The following PPM1A variants were observed in gnomAD, a reference collection of about 807,000 sequenced individuals.
PPM1A encodes the protein protein phosphatase, Mg2+/Mn2+ dependent 1A, also known as protein phosphatase 1A.
A neutral mutation model predicts 35.0 loss-of-function variants in PPM1A; 7 were observed. The observed-to-expected ratio is 0.20, with a 90% CI of 0.11 to 0.38. PPM1A has a LOEUF of 0.38. Ranked by LOEUF, PPM1A falls within the 10% of genes least tolerant of loss-of-function variation. PPM1A has a pLI of 1.00. For missense variants in PPM1A, 239 were observed against 467.8 expected (o/e 0.51, Z 4.51); for synonymous variants, 153 against 167.3 (o/e 0.91, Z 0.66).
chr14:60,273,855 T>TG lies in PPM1A; in HGVS notation c.-20-8825dup, dbSNP rs1295280633. On this transcript the variant is annotated intron_variant, in intron 1 of 5. Coordinates refer to ENST00000395076, the MANE Select transcript of PPM1A (RefSeq NM_021003.5). This position sits in a 1 kb window ranked among gnomAD's most constrained non-coding sequence, Gnocchi z 4.3. ...TTAGTTTCTGTTTCTTTTTCTGAGT[T>TG]GGGGTCTTGCTATATTGCCTAGGCT... Among the ~76,000 whole-genome samples, 2 of 152,164 alleles carry TG rather than the reference T, an allele frequency of 1.3e-5. No homozygotes were observed. The highest frequency in any genetic ancestry group is 3.9e-4 in the East Asian group (2 of 5,192).
At chr14:60,267,300 T>TAA (rs1884502634) in intron 1 of PPM1A, 1 of 152,214 alleles carries the variant, frequency 6.6e-6, no homozygotes, top group South Asian at 2.1e-4. Flanking sequence ...AAGTAAGTAT[T>TAA]ATATTAAGGA....
chr14:60,285,576 G>A, intron 2 of PPM1A, 48 bp from the exon 3 acceptor site: 1 of 1,586,550 alleles, frequency 6.3e-7, no homozygotes, highest in Non-Finnish European at 8.6e-7. Flanking sequence ...TCAAGGCTTT[G>A]AAGAGCAAAA....
Position 60,296,522 on chromosome 14 carries a change from T to G in PPM1A, c.*4040T>G. ...TACTTTTGCTCACAGAAACTGCTGG[T>G]GAGATTACCATTTTTTGAGTATCTA... On this transcript the variant is annotated 3_prime_UTR_variant, in exon 6 of 6. Coordinates refer to ENST00000395076, the MANE Select transcript of PPM1A (RefSeq NM_021003.5). The surrounding 1 kb of genome is among the most constrained non-coding windows in gnomAD (Gnocchi z 4.4). The G allele has an allele frequency of 3.0e-5, 9 of 301,846 alleles. No homozygotes were observed. Among genetic ancestry groups the G allele is most frequent in the Non-Finnish European group, 4.3e-5 (7 of 163,324 alleles). 18.7% of individuals were successfully genotyped at this position (301,846 alleles called of 1,614,324 possible).
Position 60,249,292 on chromosome 14 carries a change from G to C in PPM1A, c.-406G>C, listed in dbSNP as rs1475896649. The C allele has an allele frequency of 4.1e-6, 4 of 984,026 alleles. No individual in the cohort carries two copies. Among genetic ancestry groups the C allele is most frequent in the Non-Finnish European group, 3.6e-6 (3 of 829,314 alleles). The allele number at this position is 984,026 out of a possible 1,614,324, so 61.0% of individuals were successfully genotyped here. A position where few individuals can be genotyped will look rare whatever the true frequency, so the allele number is the denominator to read the frequency against. On this transcript the variant is annotated 5_prime_UTR_variant, in exon 1 of 6. Transcript: ENST00000395076. The surrounding 1 kb of genome is among the most constrained non-coding windows in gnomAD (Gnocchi z 4.5). ...GCGGGAGCTAGAGAGCAGTGGTCTC[G>C]GCGCTCGTCCGGCCCGCAGCTTCGG... is the stretch of plus-strand genomic sequence containing the variant.
Position 60,292,364 on chromosome 14 carries a change from A to T in PPM1A, c.1120-89A>T. 1.0e-6 allele frequency: 1 copy of T among 974,918 alleles called. No homozygotes were observed. The highest frequency in any genetic ancestry group is 1.4e-5 in the South Asian group (1 of 71,892). The allele number at this position is 974,918 out of a possible 1,614,324, so 60.4% of individuals were successfully genotyped here. ...ATTCTAAAAGTCATCTTTACAGAACATTATCTTTCTCCATTATCCAGAAAG... is the reference window on the plus strand; with the variant it reads ...ATTCTAAAAGTCATCTTTACAGAACTTTATCTTTCTCCATTATCCAGAAAG... On this transcript the variant is annotated intron_variant, in intron 5 of 5. Coordinates refer to ENST00000395076, the MANE Select transcript of PPM1A (RefSeq NM_021003.5). The surrounding 1 kb of genome is among the most constrained non-coding windows in gnomAD (Gnocchi z 4.2).
upstream of PPM1A, among the ~76,000 whole-genome samples, chr14:60,247,422 A>T (rs2139286375): frequency 6.6e-6 from 1 of 152,030 alleles, no homozygotes; most frequent in African/African-American, 2.4e-5. Flanking sequence ...GAGGTCAGGA[A>T]ACCGAGACCA....
rs773265207 is a variant in PPM1A, at chr14:60,282,754, G to T, written c.51G>T (p.Gly17=). The T allele has an allele frequency of 3.1e-6, 5 of 1,614,252 alleles. No individual in the cohort carries two copies. The South Asian group carries it at 3.3e-5, about 11-fold the overall frequency. ...AGATGGAAAAGCATAATGCCCAGGGGCAGGGTAATGGGTTGCGATATGGGC... is the reference window on the plus strand; with the variant it reads ...AGATGGAAAAGCATAATGCCCAGGGTCAGGGTAATGGGTTGCGATATGGGC... ...KPKMEKHNAQ[G]QGNGLRYGLS... is the part of the protein sequence containing the mutation. Residue 17 remains glycine, a synonymous_variant, in exon 2 of 6, where the codon GGG becomes GGT. Transcript: ENST00000395076. The surrounding 1 kb of genome is among the most constrained non-coding windows in gnomAD (Gnocchi z 5.1).
At position 60,276,919 on chromosome 14, in the gene PPM1A, A is replaced by G. The variant is rs1203061610; in HGVS notation, c.-20-5765A>G. Reference sequence around the variant, plus strand: ...AGCCTTAGAATTTTTCAGTTTAGGGATTAGTTTGGTTTTTAAAAGGTACAA... The same window carrying G: ...AGCCTTAGAATTTTTCAGTTTAGGGGTTAGTTTGGTTTTTAAAAGGTACAA... On this transcript the variant is annotated intron_variant, in intron 1 of 5. Coordinates refer to ENST00000395076, the MANE Select transcript of PPM1A (RefSeq NM_021003.5). The G allele has an allele frequency of 9.6e-6, 4 of 418,644 alleles. 1 individual carries two copies. The highest frequency in any genetic ancestry group is 1.0e-4 in the Admixed American group (2 of 19,454). The allele number at this position is 418,644 out of a possible 1,614,324, so 25.9% of individuals were successfully genotyped here.
intron 1 of PPM1A, among the ~76,000 whole-genome samples, chr14:60,268,890 A>G (rs146898527): frequency 1.5e-3 from 232 of 150,988 alleles, no homozygotes; most frequent in African/African-American, 5.1e-3. Context: ...CACATTATCA[A>G]TATCTACTAT....
intron 3 of PPM1A, chr14:60,288,589 CTG>C (rs1407028377): frequency 7.3e-6 from 7 of 963,770 alleles, no homozygotes; most frequent in Admixed American, 6.2e-5. Context: ...AGATTTAAGA[CTG>C]TTTTTTTTTT....
Position 60,289,753 on chromosome 14 carries a change from C to A in PPM1A, c.953-53C>A. On this transcript the variant is annotated intron_variant, in intron 3 of 5. Coordinates refer to ENST00000395076, the MANE Select transcript of PPM1A (RefSeq NM_021003.5). The surrounding 1 kb of genome is among the most constrained non-coding windows in gnomAD (Gnocchi z 4.1). ...GCTAGGTTATCTTTGTTTCGGTTTT[C>A]TTTTCAATTAAATTTGGATAACACT... 8.2e-7 allele frequency: 1 copy of A among 1,218,324 alleles called. No individual in the cohort carries two copies. Among genetic ancestry groups the A allele is most frequent in the South Asian group, 1.3e-5 (1 of 77,366 alleles). 75.5% of individuals were successfully genotyped at this position (1,218,324 alleles called of 1,614,324 possible).
Position 60,297,450 on chromosome 14 carries a change from T to C in PPM1A, c.*4968T>C, listed in dbSNP as rs2139621901. ...TTAATAAGTTACTGATTCTTCAGCA[T>C]AGAAACAACTGAGAAGAATTAATGC... On this transcript the variant is annotated 3_prime_UTR_variant, in exon 6 of 6. Coordinates refer to ENST00000395076, the MANE Select transcript of PPM1A (RefSeq NM_021003.5). 1 of 151,890 alleles carries C rather than the reference T, an allele frequency of 6.6e-6. No individual in the cohort carries two copies. The highest frequency in any genetic ancestry group is 3.4e-3 in the Middle Eastern group (1 of 294). The allele number at this position is 151,890 out of a possible 1,614,324, so 9.4% of individuals were successfully genotyped here. A position where few individuals can be genotyped will look rare whatever the true frequency, so the allele number is the denominator to read the frequency against.
upstream of PPM1A, among the ~76,000 whole-genome samples, chr14:60,247,135 C>CT (rs745413688): frequency 6.5e-4 from 99 of 152,136 alleles, no homozygotes; most frequent in Admixed American, 1.2e-3. Context: ...CACCAGCATG[C>CT]TACTCATGCT....
Position 60,291,475 on chromosome 14 carries a change from C to T in PPM1A, c.1119+21C>T, listed in dbSNP as rs1228296679. ...ACACTGTAAGTAGCATTTTAGCTCC[C>T]TCTGCTTTCCCTTCCCCTCCACTCT... On this transcript the variant is annotated intron_variant, in intron 5 of 5. Transcript: ENST00000395076. 4.5e-6 allele frequency: 7 copies of T among 1,549,186 alleles called. No homozygotes were observed. In the East Asian group the frequency reaches 1.4e-4, roughly 31 times the overall value.
rs188002339 is a variant in PPM1A at position 60,261,865 on chromosome 14, C to T, written c.-21+12188C>T. Among the ~76,000 whole-genome samples the T allele has an allele frequency of 2.2e-3, 328 of 152,266 alleles. 2 individuals carry two copies. Among genetic ancestry groups the T allele is most frequent in the African/African-American group, 7.3e-3 (303 of 41,538 alleles). On this transcript the variant is annotated intron_variant, in intron 1 of 5. Transcript: ENST00000395076. Reference sequence around the variant, plus strand: ...GTGCCCCAAGAAGAGTGATAAATCACATATAGGTGTAAAGTCAATAAAGTC... The same window carrying T: ...GTGCCCCAAGAAGAGTGATAAATCATATATAGGTGTAAAGTCAATAAAGTC...
intron 1 of PPM1A, among the ~76,000 whole-genome samples, chr14:60,261,485 C>A (rs1016901163): frequency 6.6e-6 from 1 of 152,002 alleles, no homozygotes; most frequent in South Asian, 2.1e-4. Flanking sequence ...CTTTCTAGAA[C>A]CTTGTGTAGG....
intron 1 of PPM1A, among the ~76,000 whole-genome samples, chr14:60,265,563 A>G (rs1217503302): frequency 6.6e-6 from 1 of 152,264 alleles, no homozygotes; most frequent in African/African-American, 2.4e-5. Flanking sequence ...TGGAACAGAT[A>G]CATTTCAAAA....
chr14:60,269,581 C>G (rs894678772), intron 1 of PPM1A, among the ~76,000 whole-genome samples: 2 of 152,050 alleles, frequency 1.3e-5, no homozygotes, highest in Non-Finnish European at 1.5e-5. Context: ...GACAGTCTTG[C>G]TCTGTCACCC....
At chr14:60,274,046 G>C (rs887104561) in intron 1 of PPM1A, among the ~76,000 whole-genome samples, 2 of 152,170 alleles carry the variant, frequency 1.3e-5, no homozygotes, top group African/African-American at 4.8e-5. Context: ...GGGTGCTCAG[G>C]GAGGCAGCAT....
Sources: allele counts gnomAD v4.1 joint callset (sites outside exome capture counted in the v4.1 genomes callset), GRCh38; gene constraint gnomAD v4.1.1; non-coding constraint Gnocchi (gnomAD v3.1); transcripts MANE v1.5; gene names NCBI Gene and HGNC (gene_info 2026-07-23, HGNC 2026-07-21).